Variants in ADAM22 observed in about 807,000 individuals in gnomAD.
ADAM22 encodes the protein disintegrin and metalloproteinase domain-containing protein 22.
A neutral mutation model predicts 144.6 loss-of-function variants in ADAM22; 65 were observed. The observed-to-expected ratio is 0.45, with a 90% CI of 0.37 to 0.55. The LOEUF (loss-of-function observed/expected upper bound fraction) is 0.55. Ranked by LOEUF, ADAM22 falls within the 20% of genes least tolerant of loss-of-function variation. The pLI is 0.00. For missense variants in ADAM22, 974 were observed against 1,184.9 expected (o/e 0.82, Z 2.61); for synonymous variants, 391 against 412.6 (o/e 0.95, Z 0.63).
At chr7:88,056,179 G>A (rs1808209222) in intron 3 of ADAM22, among the ~76,000 whole-genome samples, 1 of 152,072 alleles carries the variant, frequency 6.6e-6, no homozygotes, top group South Asian at 2.1e-4. Flanking sequence ...ATATTTATAG[G>A]TTCTTTTTTT....
chr7:87,977,014 A>G (rs942676255), intron 2 of ADAM22, among the ~76,000 whole-genome samples: 5 of 152,110 alleles, frequency 3.3e-5, no homozygotes, highest in African/African-American at 9.7e-5. Flanking sequence ...CTACCATAAA[A>G]AAAGAAAACA....
chr7:87,950,226 G>A (rs1844699827), intron 2 of ADAM22, among the ~76,000 whole-genome samples: 1 of 151,350 alleles, frequency 6.6e-6, no homozygotes, highest in African/African-American at 2.4e-5. Context: ...CCATGCTGGT[G>A]TGCTGCACCC....
chr7:88,103,513 GA>G (rs1563220155), intron 4 of ADAM22, among the ~76,000 whole-genome samples: 4 of 152,118 alleles, frequency 2.6e-5, no homozygotes, highest in South Asian at 2.1e-4. Context: ...TATAGAGGTA[GA>G]TTTTTTTTAG....
intron 2 of ADAM22, among the ~76,000 whole-genome samples, chr7:87,975,071 G>A (rs887046436): frequency 1.3e-5 from 2 of 152,060 alleles, no homozygotes; most frequent in East Asian, 3.9e-4. Context: ...TAACATGTTC[G>A]TAGGTTCTGG....
intron 3 of ADAM22, among the ~76,000 whole-genome samples, chr7:88,026,910 G>GT (rs1233110532): frequency 6.6e-6 from 1 of 152,138 alleles, no homozygotes; most frequent in African/African-American, 2.4e-5. Flanking sequence ...TCTATAGCCA[G>GT]TTTTTTGAGG....
intron 24 of ADAM22, among the ~76,000 whole-genome samples, chr7:88,166,165 C>A (rs1290927393): frequency 1.3e-5 from 2 of 152,000 alleles, no homozygotes; most frequent in African/African-American, 4.8e-5. Context: ...TTAGCCTTAT[C>A]TTGTCCTACT....
intron 9 of ADAM22, among the ~76,000 whole-genome samples, chr7:88,128,969 A>G (rs1375277766): frequency 6.6e-6 from 1 of 151,884 alleles, no homozygotes; most frequent in Non-Finnish European, 1.5e-5. Flanking sequence ...TAATAAAATG[A>G]CAAGGTTTAA....
intron 3 of ADAM22, among the ~76,000 whole-genome samples, chr7:88,011,244 A>T (rs1795295681): frequency 6.6e-6 from 1 of 152,250 alleles, no homozygotes; most frequent in Non-Finnish European, 1.5e-5. Flanking sequence ...AAACTCATTA[A>T]GACAATTGAT....
chr7:88,101,892 G>C (rs10081280), intron 4 of ADAM22, among the ~76,000 whole-genome samples: 14,044 of 152,184 alleles, frequency 0.092, 1,433 homozygotes, highest in African/African-American at 0.26. Flanking sequence ...TGCATCCTCC[G>C]AGCTTCTGAG....
chr7:87,974,427 C>T (rs1027087254), intron 2 of ADAM22, among the ~76,000 whole-genome samples: 1 of 152,096 alleles, frequency 6.6e-6, no homozygotes, highest in Admixed American at 6.5e-5. Context: ...ACAGAAAATG[C>T]GAAGAAACCA....
chr7:88,106,997 A>G (rs965186723), intron 4 of ADAM22, among the ~76,000 whole-genome samples: 1 of 152,172 alleles, frequency 6.6e-6, no homozygotes, highest in Non-Finnish European at 1.5e-5. Flanking sequence ...AACCCCGCCC[A>G]TAAACTGCTT....
intron 4 of ADAM22, among the ~76,000 whole-genome samples, chr7:88,077,496 G>T (rs1387124777): frequency 1.3e-5 from 2 of 152,172 alleles, no homozygotes; most frequent in Non-Finnish European, 2.9e-5. Context: ...GACAGTGGGT[G>T]CAGGACAATG....
At chr7:87,987,496 G>A (rs1213909076) in intron 3 of ADAM22, among the ~76,000 whole-genome samples, 1 of 152,130 alleles carries the variant, frequency 6.6e-6, no homozygotes, top group African/African-American at 2.4e-5. Context: ...TCAAATCATT[G>A]AACTTTCTTA....
intron 4 of ADAM22, among the ~76,000 whole-genome samples, chr7:88,090,189 G>T (rs891724654): frequency 6.6e-6 from 1 of 152,164 alleles, no homozygotes; most frequent in Non-Finnish European, 1.5e-5. Flanking sequence ...TGCTGCACTT[G>T]CTGGGAGATT....
chr7:88,100,829 A>C (rs997778404), intron 4 of ADAM22, among the ~76,000 whole-genome samples: 3 of 151,998 alleles, frequency 2.0e-5, no homozygotes, highest in African/African-American at 4.8e-5. Context: ...AAGGAGACTT[A>C]CAACTGGGAA....
intron 22 of ADAM22, among the ~76,000 whole-genome samples, chr7:88,162,531 C>T (rs551606940): frequency 1.3e-5 from 2 of 151,862 alleles, no homozygotes; most frequent in South Asian, 2.1e-4. Context: ...TTGACATGGC[C>T]CCATATGAAT....
intron 4 of ADAM22, among the ~76,000 whole-genome samples, chr7:88,101,855 G>C (rs892125711): frequency 6.6e-5 from 10 of 152,184 alleles, no homozygotes; most frequent in African/African-American, 2.4e-4. Flanking sequence ...TCACCTGAAG[G>C]TTTGGCTGAA....
intron 2 of ADAM22, among the ~76,000 whole-genome samples, chr7:87,937,633 C>T (rs1841550450): frequency 1.3e-5 from 2 of 152,206 alleles, no homozygotes; most frequent in Non-Finnish European, 1.5e-5. Context: ...TGGAGCACCA[C>T]TTGTGCAGTT....
At chr7:88,045,850 A>G (rs1585224639) in intron 3 of ADAM22, among the ~76,000 whole-genome samples, 3 of 149,494 alleles carry the variant, frequency 2.0e-5, no homozygotes, top group African/African-American at 7.4e-5. Flanking sequence ...GTTGCAAATG[A>G]CAGGATTTCC....
Sources: allele counts gnomAD v4.1 joint callset (sites outside exome capture counted in the v4.1 genomes callset), GRCh38; gene constraint gnomAD v4.1.1; transcripts MANE v1.5; gene names NCBI Gene and HGNC (gene_info 2026-07-23, HGNC 2026-07-21).